The following PDGFC variants were observed in gnomAD, a reference collection of about 807,000 sequenced individuals.
The protein encoded by PDGFC is platelet derived growth factor C, also known as platelet-derived growth factor C.
In PDGFC, 12 loss-of-function variants were observed where a neutral mutation model predicts 35.5. That is an observed-to-expected ratio of 0.34 (90% CI 0.22 to 0.55). The LOEUF is 0.55. Ranked by LOEUF, PDGFC falls within the 20% of genes least tolerant of loss-of-function variation. PDGFC has a pLI of 0.91. For synonymous variants in PDGFC, 159 were observed against 148.8 expected (o/e 1.07, Z -0.50); for missense variants, 322 against 412.4 (o/e 0.78, Z 1.90).
At chr4:156,913,321 T>A (rs140273219) in intron 1 of PDGFC, among the ~76,000 whole-genome samples, 2 of 152,194 alleles carry the variant, frequency 1.3e-5, no homozygotes, top group East Asian at 3.9e-4. Flanking sequence ...TAACAAGGAC[T>A]GCCTACATGA....
chr4:156,811,124 T>G (rs1367984385), intron 2 of PDGFC, 107 bp from the exon 3 acceptor site: 1 of 561,792 alleles, frequency 1.8e-6, no homozygotes, highest in African/African-American at 2.0e-5. Context: ...CAGCAGTGAG[T>G]TAATCCAAAA....
intron 1 of PDGFC, among the ~76,000 whole-genome samples, chr4:156,891,813 A>T (rs186197212): frequency 6.6e-6 from 1 of 152,244 alleles, no homozygotes; most frequent in African/African-American, 2.4e-5. Flanking sequence ...ATAATTCACC[A>T]TTCATAATGC....
intron 2 of PDGFC, among the ~76,000 whole-genome samples, chr4:156,824,457 T>C (rs570274741): frequency 6.6e-6 from 1 of 151,616 alleles, no homozygotes; most frequent in South Asian, 2.1e-4. Flanking sequence ...AACACTCCCT[T>C]CACTGTAGTA....
intron 3 of PDGFC, among the ~76,000 whole-genome samples, chr4:156,777,480 GT>G (rs1465968968): frequency 1.3e-5 from 2 of 152,094 alleles, no homozygotes; most frequent in Non-Finnish European, 2.9e-5. Context: ...TGTTCTTATA[GT>G]AAGAGAACAT....
At chr4:156,827,243 T>C (rs993881740) in intron 2 of PDGFC, among the ~76,000 whole-genome samples, 16 of 151,976 alleles carry the variant, frequency 1.1e-4, no homozygotes, top group South Asian at 8.3e-4. Flanking sequence ...TGGTGAAACC[T>C]CGTCTCTACT....
Position 156,954,812 on chromosome 4 carries a change from A to G in PDGFC, c.118+15974T>C, listed in dbSNP as rs1732168693. Among the ~76,000 whole-genome samples the G allele has an allele frequency of 1.3e-5, 2 of 152,018 alleles. 1 individual carries two copies. The highest frequency in any genetic ancestry group is 4.1e-4 in the South Asian group (2 of 4,826). ...GCATCCCCCAGCTGTGAAATAAGGC[A>G]TATGACTCGTTTAGAACCCATCAAT... On this transcript the variant is annotated intron_variant, in intron 1 of 5. Transcript: ENST00000502773.
intron 1 of PDGFC, among the ~76,000 whole-genome samples, chr4:156,928,169 T>A (rs1430867305): frequency 6.6e-6 from 1 of 152,096 alleles, no homozygotes; most frequent in African/African-American, 2.4e-5. Flanking sequence ...GTAGGAATTA[T>A]GGGAGCACAA....
intron 1 of PDGFC, among the ~76,000 whole-genome samples, chr4:156,852,268 A>T (rs1232179747): frequency 2.0e-5 from 3 of 152,210 alleles, no homozygotes; most frequent in African/African-American, 4.8e-5. Flanking sequence ...ATTACTCTCC[A>T]AAATAAGGTA....
intron 3 of PDGFC, among the ~76,000 whole-genome samples, chr4:156,788,988 T>C (rs1433912402): frequency 6.6e-6 from 1 of 152,208 alleles, no homozygotes; most frequent in Non-Finnish European, 1.5e-5. Flanking sequence ...GGGTTTTGAG[T>C]ATAGAATTAT....
chr4:156,968,187 G>C (rs188477316), intron 1 of PDGFC, among the ~76,000 whole-genome samples: 61 of 152,284 alleles, frequency 4.0e-4, no homozygotes, highest in African/African-American at 1.5e-3. Context: ...CGAGGTACCT[G>C]ATTGAGTAAT....
chr4:156,837,961 C>G (rs973756098), intron 2 of PDGFC, among the ~76,000 whole-genome samples: 1 of 151,296 alleles, frequency 6.6e-6, no homozygotes, highest in African/African-American at 2.5e-5. Context: ...TATTTTAAGC[C>G]CTCTTGGGAA....
chr4:156,832,975 A>G (rs1018144357), intron 2 of PDGFC, among the ~76,000 whole-genome samples: 5 of 152,092 alleles, frequency 3.3e-5, no homozygotes, highest in Non-Finnish European at 7.4e-5. Flanking sequence ...GTTCATATGG[A>G]TCTGTCATTG....
intron 2 of PDGFC, among the ~76,000 whole-genome samples, chr4:156,845,989 CA>C (rs1277061690): frequency 1.3e-5 from 2 of 151,584 alleles, no homozygotes; most frequent in Admixed American, 1.3e-4. Flanking sequence ...AGTAATAAAA[CA>C]AAAGACATAA....
At chr4:156,806,071 A>G (rs149990650) in intron 3 of PDGFC, among the ~76,000 whole-genome samples, 1 of 152,234 alleles carries the variant, frequency 6.6e-6, no homozygotes, top group East Asian at 1.9e-4. Flanking sequence ...TAATCTTTGT[A>G]TATAATTTAA....
chr4:156,821,529 C>T (rs141988742), intron 2 of PDGFC, among the ~76,000 whole-genome samples: 11 of 152,014 alleles, frequency 7.2e-5, no homozygotes, highest in African/African-American at 1.7e-4. Context: ...ATGTGAACCA[C>T]CACTCTCTAC....
intron 1 of PDGFC, among the ~76,000 whole-genome samples, chr4:156,900,439 T>C (rs1043506973): frequency 1.3e-5 from 2 of 152,252 alleles, no homozygotes; most frequent in African/African-American, 2.4e-5. Flanking sequence ...CTAGGACACG[T>C]AGAGTAACAG....
chr4:156,845,056 C>T (rs1729292351), intron 2 of PDGFC, among the ~76,000 whole-genome samples: 1 of 151,764 alleles, frequency 6.6e-6, no homozygotes, highest in Non-Finnish European at 1.5e-5. Context: ...CAACTTAATT[C>T]TTTATTCAAA....
At chr4:156,787,676 G>C (rs1425342131) in intron 3 of PDGFC, among the ~76,000 whole-genome samples, 1 of 151,798 alleles carries the variant, frequency 6.6e-6, no homozygotes, top group Admixed American at 6.6e-5. Flanking sequence ...GGAGGAGAGA[G>C]AGAGAAGAGT....
rs149543962 is a variant in PDGFC at position 156,767,944 on chromosome 4, G to A, written c.750C>T (p.Cys250=). ...TGGACACTGAGAAGTTACGAGGTGT[G>A]CAGCTGTATAATCTTACCTCCTCTG... ...LLTEEVRLYS[C]TPRNFSVSIR... Residue 250 remains cysteine (C), a synonymous_variant, in exon 5 of 6, where the codon TGC becomes TGT. Transcript: ENST00000502773. 6.2e-7 allele frequency: 1 copy of A among 1,612,248 alleles called. No individual in the cohort carries two copies. The highest frequency in any genetic ancestry group is 1.3e-5 in the African/African-American group (1 of 74,942).
Sources: gnomAD v4.1 joint callset for allele counts (sites outside exome capture counted in the v4.1 genomes callset) on GRCh38, gnomAD v4.1.1 for gene constraint, MANE v1.5 for transcripts, NCBI Gene and HGNC (gene_info 2026-07-23, HGNC 2026-07-21) for gene names.